Variants in MAPK6 observed in about 807,000 individuals in gnomAD.
MAPK6 encodes the protein ERK-3.
A neutral mutation model predicts 59.3 loss-of-function variants in MAPK6; 19 were observed. That is an observed-to-expected ratio of 0.32 (90% CI 0.22 to 0.47). MAPK6 has a LOEUF of 0.47. MAPK6 is among the 20% of genes least tolerant of loss of function. The pLI, the probability that MAPK6 is intolerant of heterozygous loss-of-function variation, is 1.00. For missense variants in MAPK6, 724 were observed against 847.9 expected (o/e 0.85, Z 1.81); for synonymous variants, 316 against 290.3 (o/e 1.09, Z -0.90).
intron 4 of MAPK6, 54 bp downstream of exon 4, chr15:52,058,851 C>A: frequency 6.7e-7 from 1 of 1,483,532 alleles, no homozygotes. Flanking sequence ...GAGGCAGAAT[C>A]TGTGTAGGGA....
At chr15:51,980,001 T>C (rs2039458612) in intron 1 of MAPK6, among the ~76,000 whole-genome samples, 1 of 151,470 alleles carries the variant, frequency 6.6e-6, no homozygotes, top group South Asian at 2.1e-4. Flanking sequence ...AAATTAAAAT[T>C]AGAAGTAGAA....
chr15:52,041,230 C>T (rs142793824), intron 1 of MAPK6, among the ~76,000 whole-genome samples: 3,594 of 152,082 alleles, frequency 0.024, 100 homozygotes, highest in East Asian at 0.076. Flanking sequence ...GAATTTTGCT[C>T]TTGTTGCTCA....
chr15:51,977,144 A>C (rs903282404), intron 1 of MAPK6, among the ~76,000 whole-genome samples: 45 of 151,280 alleles, frequency 3.0e-4, no homozygotes, highest in Non-Finnish European at 4.4e-4. Flanking sequence ...CTGGGATTAC[A>C]GGTGCACACC....
chr15:52,014,703 T>TAAAAAAAAAAAAAAAAAAAA (rs796259080), upstream of MAPK6, among the ~76,000 whole-genome samples: 65 of 119,400 alleles, frequency 5.4e-4, 1 homozygote, highest in Non-Finnish European at 6.8e-4. Context: ...TGAGATTTTC[T>TAAAAAAAAAAAAAAAAAAAA]AAAAAAAAAA....
intron 1 of MAPK6, chr15:52,042,667 A>T (rs952635412): frequency 3.9e-5 from 6 of 152,210 alleles, no homozygotes; most frequent in Non-Finnish European, 5.9e-5. Context: ...TTGACAAAGC[A>T]TTATTTGTGC....
intron 2 of MAPK6, among the ~76,000 whole-genome samples, chr15:52,047,985 G>C (rs1321814438): frequency 1.3e-5 from 2 of 152,080 alleles, no homozygotes; most frequent in Non-Finnish European, 2.9e-5. Context: ...TGGTCTTTTA[G>C]TTTGGAAATG....
chr15:52,001,232 C>T (rs2057241045), intron 2 of MAPK6, among the ~76,000 whole-genome samples: 1 of 152,162 alleles, frequency 6.6e-6, no homozygotes, highest in Non-Finnish European at 1.5e-5. Context: ...ACCAAACAGC[C>T]AAACCTACCA....
At chr15:52,049,150 G>A (rs1344591801) in intron 2 of MAPK6, among the ~76,000 whole-genome samples, 2 of 152,108 alleles carry the variant, frequency 1.3e-5, no homozygotes, top group African/African-American at 4.8e-5. Context: ...CTTTGTAATT[G>A]TAAAGTAGTT....
rs1176033133 is a variant in MAPK6 at position 52,045,938 on chromosome 15, T to G, written c.-523T>G. ...CTGTTAACCAACAGCCGCCAGGGCT[T>G]CCTGTTGAAATAAATATATAGCAAC... On this transcript the variant is annotated 5_prime_UTR_variant, in exon 2 of 6. Transcript: ENST00000261845. The G allele has an allele frequency of 6.5e-6, 1 of 153,062 alleles. No homozygotes were observed. The highest frequency in any genetic ancestry group is 2.4e-5 in the African/African-American group (1 of 41,440). 9.5% of individuals were successfully genotyped at this position (153,062 alleles called of 1,614,324 possible).
intron 2 of MAPK6, among the ~76,000 whole-genome samples, chr15:52,002,068 C>G (rs1293442368): frequency 6.6e-6 from 1 of 152,192 alleles, no homozygotes; most frequent in African/African-American, 2.4e-5. Flanking sequence ...ACGAAAGTCT[C>G]TTTACATGCT....
chr15:51,995,697 G>A (rs2057222207), intron 2 of MAPK6, among the ~76,000 whole-genome samples: 1 of 152,176 alleles, frequency 6.6e-6, no homozygotes, highest in East Asian at 1.9e-4. Context: ...GGAGGCCGAG[G>A]TGAGTGGGTC....
At chr15:51,995,654 G>A (rs987798877) in intron 2 of MAPK6, among the ~76,000 whole-genome samples, 1 of 152,098 alleles carries the variant, frequency 6.6e-6, no homozygotes, top group Non-Finnish European at 1.5e-5. Context: ...TAGGCCAGGC[G>A]CAGTGGCTCA....
At chr15:52,061,631 A>C in intron 5 of MAPK6, 131 bp downstream of exon 5, 1 of 734,608 alleles carries the variant, frequency 1.4e-6, no homozygotes, top group African/African-American at 1.8e-5. Flanking sequence ...AGATACAAAA[A>C]TTAGTCAGGT....
chr15:52,032,100 T>C (rs1266865425), intron 1 of MAPK6, among the ~76,000 whole-genome samples: 2 of 151,802 alleles, frequency 1.3e-5, no homozygotes, highest in African/African-American at 4.8e-5. Context: ...GGTCTCGATC[T>C]CCTGACCTCA....
chr15:52,035,907 C>A (rs1300701940), intron 1 of MAPK6, among the ~76,000 whole-genome samples: 1 of 152,022 alleles, frequency 6.6e-6, no homozygotes, highest in African/African-American at 2.4e-5. Context: ...ATGCTTAGCT[C>A]TCTGATTTTT....
chr15:52,042,686 A>G (rs2141076728), intron 1 of MAPK6: 1 of 152,316 alleles, frequency 6.6e-6, no homozygotes, highest in Non-Finnish European at 1.5e-5. Flanking sequence ...GCTTGACTAG[A>G]TTGCTGTGAA....
chr15:52,046,637 C>G lies in MAPK6; in HGVS notation c.177C>G (p.Val59=). 1 of 1,614,096 alleles carries G rather than the reference C, an allele frequency of 6.2e-7. No homozygotes were observed. Among genetic ancestry groups the G allele is most frequent in the Middle Eastern group, 1.6e-4 (1 of 6,062 alleles). The stretch of plus-strand genomic sequence containing the variant: ...TTGTCCTTACTGATCCCCAGAGTGT[C>G]AAACATGCTCTACGTGAAATCAAAA... ...KKIVLTDPQS[V]KHALREIKII... Residue 59 remains valine, a synonymous_variant, in exon 2 of 6, where the codon GTC becomes GTG. Transcript: ENST00000261845.
At chr15:52,016,068 GCGCACACACACACA>G (rs1353022882), upstream of MAPK6, among the ~76,000 whole-genome samples, 1 of 35,610 alleles carries the variant, frequency 2.8e-5, no homozygotes, top group East Asian at 7.2e-4. Context: ...GCGCGCGCGC[GCGCACACACACACA>G]CACACACACA....
At chr15:52,051,770 A>G (rs1272861806) in intron 3 of MAPK6, among the ~76,000 whole-genome samples, 3 of 151,498 alleles carry the variant, frequency 2.0e-5, no homozygotes, top group Non-Finnish European at 4.4e-5. Context: ...GCTACTGGGG[A>G]GGCTGAGGCA....
Sources: gnomAD v4.1 joint callset for allele counts (sites outside exome capture counted in the v4.1 genomes callset) on GRCh38, gnomAD v4.1.1 for gene constraint, MANE v1.5 for transcripts, NCBI Gene and HGNC (gene_info 2026-07-23, HGNC 2026-07-21) for gene names.